Variants in AQP2 observed in about 807,000 individuals in gnomAD.
AQP2 encodes aquaporin-2.
A neutral mutation model predicts 21.6 loss-of-function variants in AQP2; 20 were observed. The ratio of observed to expected loss-of-function variants is 0.92; its 90% CI spans 0.65 to 1.34. AQP2 has a LOEUF of 1.34. Among genes scored for constraint, AQP2 ranks in the 40% most tolerant of loss-of-function variants. The pLI, the probability that AQP2 is intolerant of heterozygous loss-of-function variation, is 0.00. For synonymous variants in AQP2, 168 were observed against 166.9 expected (o/e 1.01, Z -0.05); for missense variants, 325 against 363.4 (o/e 0.89, Z 0.86).
In AQP2 at chr12:49,954,821, C is replaced by T. The variant is rs185974768; in HGVS notation, c.606+111C>T. ...CTCAGCAGCGGTACCCCAAACCCTCCACACTCCTCCTGGTCCTGGGGAGCC... is the reference window on the plus strand; with the variant it reads ...CTCAGCAGCGGTACCCCAAACCCTCTACACTCCTCCTGGTCCTGGGGAGCC... On this transcript the variant is annotated intron_variant, in intron 3 of 3. Transcript: ENST00000199280. The T allele has an allele frequency of 4.7e-4, 580 of 1,232,900 alleles. 6 individuals are homozygous for T. In the East Asian group the frequency reaches 0.013, roughly 27 times the overall value. 76.4% of individuals were successfully genotyped at this position (1,232,900 alleles called of 1,614,324 possible). A position where few individuals can be genotyped will look rare whatever the true frequency, so the allele number is the denominator to read the frequency against.
In AQP2 at chr12:49,950,929, C is replaced by T; in HGVS notation, c.99C>T (p.Asn33=). The T allele has an allele frequency of 6.2e-7, 1 of 1,614,244 alleles. No homozygotes were observed. The highest frequency in any genetic ancestry group is 1.7e-5 in the Admixed American group (1 of 60,032). Residue 33 remains asparagine (N), a synonymous_variant, in exon 1 of 4, where the codon AAC becomes AAT. Coordinates refer to ENST00000199280, the MANE Select transcript of AQP2 (RefSeq NM_000486.6). ...TCTTTGGCCTCGGCTCTGCCCTCAA[C>T]TGGCCACAGGCCCTGCCCTCTGTGC... is the stretch of plus-strand genomic sequence containing the variant. ...FVFFGLGSAL[N]WPQALPSVLQ... is the part of the protein sequence containing the mutation.
In AQP2 at chr12:49,956,990, G is replaced by C. The variant is rs989423908; in HGVS notation, c.*1382G>C. 4 of 152,654 alleles carry C rather than the reference G, an allele frequency of 2.6e-5. No individual in the cohort carries two copies. Among genetic ancestry groups the C allele is most frequent in the African/African-American group, 9.6e-5 (4 of 41,460 alleles). The allele number at this position is 152,654 out of a possible 1,614,324, so 9.5% of individuals were successfully genotyped here. A position where few individuals can be genotyped will look rare whatever the true frequency, so the allele number is the denominator to read the frequency against. ...CCCAGGCTTCTAAATTTCTAGGCCA[G>C]TACTACTGCTCTCAAAAGAGATTAA... On this transcript the variant is annotated 3_prime_UTR_variant, in exon 4 of 4. Transcript: ENST00000199280.
intron 1 of AQP2, among the ~76,000 whole-genome samples, chr12:49,953,107 C>T (rs1345023346): frequency 2.6e-5 from 4 of 152,162 alleles, no homozygotes; most frequent in Admixed American, 6.5e-5. Flanking sequence ...TTAAGTAGTC[C>T]CATGGCAAGT....
chr12:49,958,074 C>A lies in AQP2; in HGVS notation c.*2466C>A, dbSNP rs796070082. 5 of 152,328 alleles carry A rather than the reference C, an allele frequency of 3.3e-5. No homozygotes were observed. The highest frequency in any genetic ancestry group is 1.2e-4 in the African/African-American group (5 of 41,570). 9.4% of individuals were successfully genotyped at this position (152,328 alleles called of 1,614,324 possible). A position where few individuals can be genotyped will look rare whatever the true frequency, so the allele number is the denominator to read the frequency against. ...GTTCCTGGCATCTCTTGTGTACCAG[C>A]TGCTGTGCTGGGTGCCTTGCATGCA... On this transcript the variant is annotated 3_prime_UTR_variant, in exon 4 of 4. Transcript: ENST00000199280.
rs1223661227 is a variant in AQP2, at chr12:49,954,567, G to A, written c.526-63G>A. 5.7e-6 allele frequency: 9 copies of A among 1,579,156 alleles called. No homozygotes were observed. In the Admixed American group the frequency reaches 1.5e-4, roughly 26 times the overall value. ...GCTGAGGTCAAGCACTGCAGTGCGGGACAAGGACTTCCTGCCCTGTCCTCA... is the reference window on the plus strand; with the variant it reads ...GCTGAGGTCAAGCACTGCAGTGCGGAACAAGGACTTCCTGCCCTGTCCTCA... On this transcript the variant is annotated intron_variant, in intron 2 of 3. Transcript: ENST00000199280.
chr12:49,954,319 G>C lies in AQP2; in HGVS notation c.525G>C (p.Gly175=). The change falls in exon 2 of 4, where the codon GGG becomes GGC. Residue 175 remains glycine, a splice_region_variant and synonymous_variant. Transcript: ENST00000199280. ...CTGTGGCCCTGGGCCACCTCCTTGG[G>C]GTAGGTCATGGCCATGGGTTCCAGC... is the stretch of plus-strand genomic sequence containing the variant. ...GFSVALGHLL[G]IHYTGCSMNP... The C allele has an allele frequency of 1.2e-6, 2 of 1,608,212 alleles. No individual in the cohort carries two copies.
chr12:49,952,448 A>G (rs1289912664), intron 1 of AQP2, among the ~76,000 whole-genome samples: 2 of 152,184 alleles, frequency 1.3e-5, no homozygotes, highest in Non-Finnish European at 2.9e-5. Context: ...GCTGGGGGCC[A>G]GGGGCCAAGG....
chr12:49,951,342 T>C, intron 1 of AQP2, 152 bp downstream of exon 1: 2 of 1,185,854 alleles, frequency 1.7e-6, no homozygotes, highest in South Asian at 1.7e-5. Context: ...ACAGCCACCA[T>C]AGGAGGGTCA....
In AQP2 at chr12:49,955,637, C is replaced by A. The variant is rs767842696; in HGVS notation, c.*29C>A. On this transcript the variant is annotated 3_prime_UTR_variant, in exon 4 of 4. Transcript: ENST00000199280. ...CCGCCAGCGGCCTCTACGGCCCCGA[C>A]GGACGCTTGTGAGGCCCGAGGCAGA... The A allele has an allele frequency of 6.5e-7, 1 of 1,536,420 alleles. No individual in the cohort carries two copies. Among genetic ancestry groups the A allele is most frequent in the Admixed American group, 2.0e-5 (1 of 51,180 alleles).
intron 3 of AQP2, among the ~76,000 whole-genome samples, chr12:49,955,101 T>C (rs189304309): frequency 2.4e-3 from 366 of 152,102 alleles, no homozygotes; most frequent in Non-Finnish European, 3.1e-3. Context: ...CCCCAGGAGG[T>C]AGACATTCTT....
chr12:49,955,791 C>A lies in AQP2; in HGVS notation c.*183C>A. On this transcript the variant is annotated 3_prime_UTR_variant, in exon 4 of 4. Transcript: ENST00000199280. ...CGGGGAGGAGGCTGCCGGAGGGAGC[C>A]CTGAGCCTGGCAGGTCCCCTGCCCT... 1 of 851,048 alleles carries A rather than the reference C, an allele frequency of 1.2e-6. No individual in the cohort carries two copies. The highest frequency in any genetic ancestry group is 1.9e-6 in the Non-Finnish European group (1 of 524,074). The allele number at this position is 851,048 out of a possible 1,614,324, so 52.7% of individuals were successfully genotyped here.
At position 49,956,988 on chromosome 12, in the gene AQP2, C is replaced by T. The variant is rs1287038396; in HGVS notation, c.*1380C>T. 2.6e-5 allele frequency: 4 copies of T among 152,640 alleles called. No individual in the cohort carries two copies. The highest frequency in any genetic ancestry group is 9.7e-5 in the African/African-American group (4 of 41,446). 9.5% of individuals were successfully genotyped at this position (152,640 alleles called of 1,614,324 possible). A position where few individuals can be genotyped will look rare whatever the true frequency, so the allele number is the denominator to read the frequency against. On this transcript the variant is annotated 3_prime_UTR_variant, in exon 4 of 4. Coordinates refer to ENST00000199280, the MANE Select transcript of AQP2 (RefSeq NM_000486.6). Reference sequence around the variant, plus strand: ...AACCCAGGCTTCTAAATTTCTAGGCCAGTACTACTGCTCTCAAAAGAGATT... The same window carrying T: ...AACCCAGGCTTCTAAATTTCTAGGCTAGTACTACTGCTCTCAAAAGAGATT...
rs1467864547 is a variant in AQP2, at chr12:49,955,630, G to GCCC, written c.*24_*26dup. 33 of 1,538,092 alleles carry GCCC rather than the reference G, an allele frequency of 2.1e-5. 1 individual carries two copies. Among genetic ancestry groups the GCCC allele is most frequent in the Non-Finnish European group, 2.9e-5 (33 of 1,148,308 alleles). ...CTGAGGGCCGCCAGCGGCCTCTACG[G>GCCC]CCCCGACGGACGCTTGTGAGGCCCG... is the stretch of plus-strand genomic sequence containing the variant. On this transcript the variant is annotated 3_prime_UTR_variant, in exon 4 of 4. Coordinates refer to ENST00000199280, the MANE Select transcript of AQP2 (RefSeq NM_000486.6).
At chr12:49,953,859 C>T (rs972176330) in intron 1 of AQP2, among the ~76,000 whole-genome samples, 2 of 152,234 alleles carry the variant, frequency 1.3e-5, no homozygotes, top group African/African-American at 4.8e-5. Context: ...TCTCAGCATT[C>T]TTTTCCTCTC....
At position 49,957,170 on chromosome 12, in the gene AQP2, T is replaced by C. The variant is rs296766; in HGVS notation, c.*1562T>C. Reference sequence around the variant, plus strand: ...GCTCAACATCCCTTACCTCCTTTCGTTGATGGCCAAAGCAAAGGAGAGTCC... The same window carrying C: ...GCTCAACATCCCTTACCTCCTTTCGCTGATGGCCAAAGCAAAGGAGAGTCC... On this transcript the variant is annotated 3_prime_UTR_variant, in exon 4 of 4. Transcript: ENST00000199280. 0.92 allele frequency: 140,121 copies of C among 152,436 alleles called. 65,207 individuals are homozygous for C. Among genetic ancestry groups the C allele is most frequent in the Non-Finnish European group, 1 (67,704 of 68,042 alleles). The allele number at this position is 152,436 out of a possible 1,614,324, so 9.4% of individuals were successfully genotyped here.
intron 1 of AQP2, among the ~76,000 whole-genome samples, chr12:49,953,509 C>T (rs959319352): frequency 6.6e-6 from 1 of 152,132 alleles, no homozygotes; most frequent in Non-Finnish European, 1.5e-5. Context: ...AACACAGCTC[C>T]AGGGCCCTTA....
rs150302183 is a variant in AQP2 at position 49,957,015 on chromosome 12, A to G, written c.*1407A>G. 6.6e-6 allele frequency: 1 copy of G among 152,654 alleles called. No homozygotes were observed. Among genetic ancestry groups the G allele is most frequent in the Non-Finnish European group, 1.5e-5 (1 of 68,040 alleles). The allele number at this position is 152,654 out of a possible 1,614,324, so 9.5% of individuals were successfully genotyped here. A position where few individuals can be genotyped will look rare whatever the true frequency, so the allele number is the denominator to read the frequency against. On this transcript the variant is annotated 3_prime_UTR_variant, in exon 4 of 4. Transcript: ENST00000199280. ...GTACTACTGCTCTCAAAAGAGATTA[A>G]CTGGGATTAAGTGAGATGACGCATG...
intron 1 of AQP2, among the ~76,000 whole-genome samples, chr12:49,953,771 C>T (rs1012144619): frequency 6.6e-6 from 1 of 152,220 alleles, no homozygotes; most frequent in Non-Finnish European, 1.5e-5. Context: ...GGAAGGTCTT[C>T]CTGCTAACCG....
rs1003870285 is a variant in AQP2, at chr12:49,957,169, G to C, written c.*1561G>C. The C allele has an allele frequency of 6.6e-6, 1 of 152,360 alleles. No homozygotes were observed. The highest frequency in any genetic ancestry group is 6.5e-5 in the Admixed American group (1 of 15,280). The allele number at this position is 152,360 out of a possible 1,614,324, so 9.4% of individuals were successfully genotyped here. On this transcript the variant is annotated 3_prime_UTR_variant, in exon 4 of 4. Coordinates refer to ENST00000199280, the MANE Select transcript of AQP2 (RefSeq NM_000486.6). Reference sequence around the variant, plus strand: ...TGCTCAACATCCCTTACCTCCTTTCGTTGATGGCCAAAGCAAAGGAGAGTC... The same window carrying C: ...TGCTCAACATCCCTTACCTCCTTTCCTTGATGGCCAAAGCAAAGGAGAGTC...
Sources: gnomAD v4.1 joint callset for allele counts (sites outside exome capture counted in the v4.1 genomes callset) on GRCh38, gnomAD v4.1.1 for gene constraint, MANE v1.5 for transcripts, NCBI Gene and HGNC (gene_info 2026-07-23, HGNC 2026-07-21) for gene names.